Variants in CUZD1 observed in about 807,000 individuals in gnomAD.
CUZD1 encodes the protein CUB and zona pellucida-like domain-containing protein 1.
Under a neutral mutation model 53.1 loss-of-function variants are expected in CUZD1, and 42 were observed. The observed-to-expected ratio is 0.79, with a 90% CI of 0.62 to 1.02. The LOEUF (loss-of-function observed/expected upper bound fraction) is 1.02. CUZD1 is among the 50% of genes least tolerant of loss of function. CUZD1 has a pLI of 0.00. For missense variants in CUZD1, 670 were observed against 715.7 expected, an observed-to-expected ratio of 0.94 and a Z score of 0.73; for synonymous variants, 238 against 257.2, an observed-to-expected ratio of 0.93 and a Z score of 0.71.
chr10:122,838,655 A>T (rs1211899925), intron 3 of CUZD1, among the ~76,000 whole-genome samples: 2 of 152,154 alleles, frequency 1.3e-5, no homozygotes, highest in Non-Finnish European at 2.9e-5. Flanking sequence ...TACCAGGGTT[A>T]CTATTAAACA....
At position 122,839,056 on chromosome 10, in the gene CUZD1, T is replaced by G; in HGVS notation, c.409A>C (p.Thr137Pro). The change falls in exon 3 of 9, where the codon ACT becomes CCT. Residue 137 changes from threonine (T) to proline (P), a missense_variant. By Grantham distance (38) the Thr-to-Pro change is conservative. Coordinates refer to ENST00000392790, the MANE Select transcript of CUZD1 (RefSeq NM_022034.6). ...IVTDSARIQR[T>P]VFVFYYFFSP... Reference sequence around the variant, plus strand: ...AAGAAGTAGTAGAAGACAAAGACAGTTCTTTGAATTCTTGCTGAGTCAGTA... The same window carrying G: ...AAGAAGTAGTAGAAGACAAAGACAGGTCTTTGAATTCTTGCTGAGTCAGTA... The G allele has an allele frequency of 6.2e-7, 1 of 1,614,072 alleles. No homozygotes were observed. Among genetic ancestry groups the G allele is most frequent in the South Asian group, 1.1e-5 (1 of 91,084 alleles).
intron 3 of CUZD1, 70 bp from the exon 4 acceptor site, chr10:122,837,624 C>T: frequency 7.0e-7 from 1 of 1,425,320 alleles, no homozygotes; most frequent in Non-Finnish European, 9.5e-7. Flanking sequence ...CTGTGTTGTG[C>T]ATTGAGCTTA....
chr10:122,839,110 A>G lies in CUZD1; in HGVS notation c.355T>C (p.Ser119Pro). 6.2e-7 allele frequency: 1 copy of G among 1,614,140 alleles called. No homozygotes were observed. Among genetic ancestry groups the G allele is most frequent in the Non-Finnish European group, 8.5e-7 (1 of 1,179,958 alleles). Residue 119 changes from serine to proline, a missense_variant, in exon 3 of 9, where the codon TCA becomes CCA. Physicochemically the swap from Ser to Pro is moderately conservative, Grantham distance 74. Transcript: ENST00000392790. Reference protein sequence around the residue: ...KNDYVPVFESSSSTLTFQIVT... With the variant: ...KNDYVPVFESPSSTLTFQIVT... ...ATTTGAAACGTCAATGTACTGGATG[A>G]TGATTCAAATACAGGAACATAGTCG...
At chr10:122,834,634 A>G in intron 7 of CUZD1, 72 bp downstream of exon 7, 1 of 1,329,300 alleles carries the variant, frequency 7.5e-7, no homozygotes, top group East Asian at 2.4e-5. Context: ...CACAACACAA[A>G]AAATTACTTT....
chr10:122,834,674 AT>A, intron 7 of CUZD1, 31 bp downstream of exon 7: 4 of 1,512,362 alleles, frequency 2.6e-6, no homozygotes, highest in Non-Finnish European at 2.7e-6. Flanking sequence ...AGGAAGGAAT[AT>A]CATACATACA....
chr10:122,839,094 G>A lies in CUZD1; in HGVS notation c.371C>T (p.Thr124Met), dbSNP rs760728510. ...PVFESSSSTL[T>M]FQIVTDSARI... Reference sequence around the variant, plus strand: ...TGCTGAGTCAGTAACTATTTGAAACGTCAATGTACTGGATGATGATTCAAA... The same window carrying A: ...TGCTGAGTCAGTAACTATTTGAAACATCAATGTACTGGATGATGATTCAAA... The change falls in exon 3 of 9, where the codon ACG (threonine) becomes ATG (methionine). Residue 124 changes from threonine to methionine, a missense_variant. By Grantham distance (81) the Thr-to-Met change is moderately conservative (BLOSUM62 -1). Transcript: ENST00000392790. 20 of 1,613,924 alleles carry A rather than the reference G, an allele frequency of 1.2e-5. No individual in the cohort carries two copies. The highest frequency in any genetic ancestry group is 5.5e-5 in the South Asian group (5 of 91,084).
intron 8 of CUZD1, 105 bp from the exon 9 acceptor site, chr10:122,832,555 G>GCATTATACATT: frequency 2.3e-6 from 2 of 866,798 alleles, no homozygotes; most frequent in Non-Finnish European, 1.7e-6. Flanking sequence ...TCTTATATAT[G>GCATTATACATT]AATTAATGTA....
In CUZD1 at chr10:122,835,094, C is replaced by A; in HGVS notation, c.994G>T (p.Glu332Ter). 1 of 1,555,768 alleles carries A rather than the reference C, an allele frequency of 6.4e-7. No individual in the cohort carries two copies. Among genetic ancestry groups the A allele is most frequent in the South Asian group, 1.2e-5 (1 of 80,906 alleles). Residue 332 changes from glutamate to a stop codon, truncating the protein, a stop_gained, in exon 7 of 9, where the codon GAA (glutamate) becomes TAA (stop). Coordinates refer to ENST00000392790, the MANE Select transcript of CUZD1 (RefSeq NM_022034.6). LOFTEE classifies it high-confidence loss of function. Reference protein sequence around the residue: ...LNGCGTIRKVEDQSITYTNII... With the variant: ...LNGCGTIRKV Reference sequence around the variant, plus strand: ...TTGGTGTAAGTAATTGACTGATCTTCTACCTGCAGAACGAGATAGAATTCA... The same window carrying A: ...TTGGTGTAAGTAATTGACTGATCTTATACCTGCAGAACGAGATAGAATTCA...
intron 1 of CUZD1, among the ~76,000 whole-genome samples, chr10:122,844,916 G>A (rs1406808686): frequency 6.6e-6 from 1 of 151,670 alleles, no homozygotes; most frequent in African/African-American, 2.4e-5. Context: ...CTAAAACCTT[G>A]GTGTAAATTC....
chr10:122,833,368 A>G (rs755757142), intron 8 of CUZD1, among the ~76,000 whole-genome samples: 6 of 152,130 alleles, frequency 3.9e-5, no homozygotes, highest in Non-Finnish European at 8.8e-5. Context: ...CTGCTATGCC[A>G]TCTATAATAA....
intron 2 of CUZD1, among the ~76,000 whole-genome samples, chr10:122,840,513 T>C (rs1462735049): frequency 6.6e-6 from 1 of 152,110 alleles, no homozygotes; most frequent in Non-Finnish European, 1.5e-5. Flanking sequence ...CTGTGTTTTC[T>C]TATCTATAGA....
chr10:122,832,241 T>G lies in CUZD1; in HGVS notation c.*37A>C. ...CGAGGTAGCATTTCCTTTGGCATCC[T>G]GGAGAAACATGTCTCACTTAGGGTT... On this transcript the variant is annotated 3_prime_UTR_variant, in exon 9 of 9. Transcript: ENST00000392790. The G allele has an allele frequency of 6.2e-7, 1 of 1,603,696 alleles. No homozygotes were observed. The highest frequency in any genetic ancestry group is 8.5e-7 in the Non-Finnish European group (1 of 1,172,396).
intron 1 of CUZD1, 60 bp from the exon 2 acceptor site, chr10:122,841,388 GA>G: frequency 6.7e-7 from 1 of 1,490,718 alleles, no homozygotes; most frequent in East Asian, 2.3e-5. Flanking sequence ...CTCCCTGAGA[GA>G]TTAGGAATCT....
intron 1 of CUZD1, among the ~76,000 whole-genome samples, chr10:122,844,371 T>C (rs1346063773): frequency 6.6e-6 from 1 of 152,100 alleles, no homozygotes; most frequent in African/African-American, 2.4e-5. Flanking sequence ...GAATATGTTC[T>C]GGAATTAGAT....
Position 122,835,077 on chromosome 10 carries a change from A to T in CUZD1, c.1011T>A (p.Thr337=). The T allele has an allele frequency of 6.4e-7, 1 of 1,573,810 alleles. No homozygotes were observed. The highest frequency in any genetic ancestry group is 8.6e-7 in the Non-Finnish European group (1 of 1,160,336). Residue 337 remains threonine, a synonymous_variant, in exon 7 of 9, where the codon ACT becomes ACA. Coordinates refer to ENST00000392790, the MANE Select transcript of CUZD1 (RefSeq NM_022034.6). ...TIRKVEDQSI[T]YTNIITFSAS... is the part of the protein sequence containing the mutation. ...CAGAAAAGGTGATTATATTGGTGTA[A>T]GTAATTGACTGATCTTCTACCTGCA...
intron 1 of CUZD1, 56 bp downstream of exon 1, chr10:122,845,706 C>T: frequency 1.3e-6 from 2 of 1,516,682 alleles, no homozygotes; most frequent in Admixed American, 1.8e-5. Context: ...TGAAAGAGGC[C>T]TCTTAAGAGA....
At chr10:122,845,143 C>T (rs765371944) in intron 1 of CUZD1, among the ~76,000 whole-genome samples, 1 of 149,774 alleles carries the variant, frequency 6.7e-6, no homozygotes, top group South Asian at 2.2e-4. Flanking sequence ...GTGGCATGAT[C>T]GCAGCTAACT....
chr10:122,839,605 G>T (rs1847304879), intron 2 of CUZD1, among the ~76,000 whole-genome samples: 1 of 152,118 alleles, frequency 6.6e-6, no homozygotes, highest in African/African-American at 2.4e-5. Flanking sequence ...CAAGGCTGTT[G>T]AAAGGTGAAG....
chr10:122,838,473 G>T (rs1033099557), intron 3 of CUZD1, among the ~76,000 whole-genome samples: 36 of 152,262 alleles, frequency 2.4e-4, no homozygotes, highest in African/African-American at 8.7e-4. Context: ...CCAATCACCT[G>T]ACAGTCTTAA....
Sources: gnomAD v4.1 joint callset for allele counts (sites outside exome capture counted in the v4.1 genomes callset) on GRCh38, gnomAD v4.1.1 for gene constraint, MANE v1.5 for transcripts, NCBI Gene and HGNC (gene_info 2026-07-23, HGNC 2026-07-21) for gene names.